The following FLI1 variants were observed in gnomAD, a reference collection of about 807,000 sequenced individuals.
The protein encoded by FLI1 is Fli-1 proto-oncogene, ETS transcription factor.
A neutral mutation model predicts 53.1 loss-of-function variants in FLI1; 13 were observed. That is an observed-to-expected ratio of 0.24 (90% confidence interval 0.16 to 0.39). The LOEUF is 0.39. Ranked by LOEUF, FLI1 falls within the 10% of genes least tolerant of loss-of-function variation. The pLI is 1.00. For missense variants in FLI1, 424 were observed against 600.5 expected (o/e 0.71, Z 3.07); for synonymous variants, 244 against 236.7 (o/e 1.03, Z -0.28).
At chr11:128,719,434 G>C (rs896475906) in intron 1 of FLI1, among the ~76,000 whole-genome samples, 5 of 151,096 alleles carry the variant, frequency 3.3e-5, no homozygotes, top group African/African-American at 4.9e-5. Flanking sequence ...GCTTGAATAA[G>C]TTCCCCTGGG....
At chr11:128,800,257 A>AG (rs1400667255) in intron 5 of FLI1, among the ~76,000 whole-genome samples, 5 of 152,230 alleles carry the variant, frequency 3.3e-5, no homozygotes, top group Admixed American at 3.3e-4. Context: ...AAACAGGGTT[A>AG]GGTGCTGCCA....
intron 4 of FLI1, among the ~76,000 whole-genome samples, chr11:128,780,478 C>G (rs1328005777): frequency 2.0e-5 from 3 of 152,184 alleles, no homozygotes; most frequent in African/African-American, 7.2e-5. Context: ...GCCTGTAATC[C>G]CAGCTACTGG....
At chr11:128,686,753 A>G (rs1591717739) in intron 1 of FLI1, 1 of 287,318 alleles carries the variant, frequency 3.5e-6, no homozygotes, top group African/African-American at 2.2e-5. Context: ...CTTCTACCCC[A>G]CCCGGGCCTA....
At chr11:128,800,308 G>C (rs1040656215) in intron 5 of FLI1, among the ~76,000 whole-genome samples, 1 of 152,154 alleles carries the variant, frequency 6.6e-6, no homozygotes, top group East Asian at 1.9e-4. Context: ...AGAAGTTTCA[G>C]GGAAAATTCA....
intron 7 of FLI1, among the ~76,000 whole-genome samples, chr11:128,808,777 A>G (rs1349289723): frequency 6.6e-6 from 1 of 152,162 alleles, no homozygotes; most frequent in Non-Finnish European, 1.5e-5. Flanking sequence ...TAGAGTTATT[A>G]AAGACCAGTA....
intron 5 of FLI1, among the ~76,000 whole-genome samples, chr11:128,799,043 A>ATTTTTT (rs1186555006): frequency 6.2e-5 from 8 of 128,670 alleles, no homozygotes; most frequent in Admixed American, 4.8e-4. Context: ...TATTATTATT[A>ATTTTTT]TTATTATTAT....
rs116878560 is a variant in FLI1, at chr11:128,766,254, C to T, written c.231-1864C>T. On this transcript the variant is annotated intron_variant, in intron 2 of 8. Coordinates refer to ENST00000527786, the MANE Select transcript of FLI1 (RefSeq NM_002017.5). The stretch of plus-strand genomic sequence containing the variant: ...TCCTTCCGCAGCAGAAGCCAAAGGG[C>T]CAAACGCTGGTGAAAAGTCCTGATG... 4.6e-4 allele frequency among the ~76,000 whole-genome samples: 70 copies of T among 152,284 alleles called. 1 individual carries two copies. In the East Asian group the frequency reaches 0.011, roughly 24 times the overall value.
chr11:128,782,866 G>A (rs939669508), intron 5 of FLI1, among the ~76,000 whole-genome samples: 2 of 152,164 alleles, frequency 1.3e-5, no homozygotes, highest in African/African-American at 2.4e-5. Context: ...ATGAAACATC[G>A]TGAGGAGTGG....
At position 128,772,963 on chromosome 11, in the gene FLI1, A is replaced by G; in HGVS notation, c.567A>G (p.Ser189=). The change falls in exon 4 of 9, where the codon TCA becomes TCG. Residue 189 remains serine, a synonymous_variant. Coordinates refer to ENST00000527786, the MANE Select transcript of FLI1 (RefSeq NM_002017.5). ...TTLYNTEVLL[S]HLSYLRESSL... ...TCTACAACACGGAAGTGCTGTTGTC[A>G]CACCTCAGTTACCTCAGGGAAAGTA... The G allele has an allele frequency of 6.2e-7, 1 of 1,613,872 alleles. No homozygotes were observed.
In FLI1 at chr11:128,772,855, G is replaced by A; in HGVS notation, c.459G>A (p.Glu153=). 1 of 1,614,014 alleles carries A rather than the reference G, an allele frequency of 6.2e-7. No individual in the cohort carries two copies. The highest frequency in any genetic ancestry group is 8.5e-7 in the Non-Finnish European group (1 of 1,179,870). ...CCATAAAGGAGTACAGCTTGATGGA[G>A]ATCGACACATCCTTTTTCCAGAACA... The part of the protein sequence containing the change: ...EWAIKEYSLM[E]IDTSFFQNMD... Residue 153 remains glutamate, a synonymous_variant, in exon 4 of 9, where the codon GAG becomes GAA. Transcript: ENST00000527786.
chr11:128,793,055 C>T lies in FLI1; in HGVS notation c.655+11032C>T, dbSNP rs182598637. On this transcript the variant is annotated intron_variant, in intron 5 of 8. Coordinates refer to ENST00000527786, the MANE Select transcript of FLI1 (RefSeq NM_002017.5). ...ATTGCTCGAGCCCGGGAGATCGAGG[C>T]TGCCATGAGCCGGGATTGCACCACT... Among the ~76,000 whole-genome samples, 650 of 152,144 alleles carry T rather than the reference C, an allele frequency of 4.3e-3. 4 individuals are homozygous for T. The highest frequency in any genetic ancestry group is 0.037 in the Middle Eastern group (11 of 294).
intron 4 of FLI1, among the ~76,000 whole-genome samples, chr11:128,780,260 C>T (rs1476143657): frequency 1.3e-5 from 2 of 152,196 alleles, no homozygotes; most frequent in Non-Finnish European, 2.9e-5. Context: ...TCCTTGTTTT[C>T]ATCTGGAGCT....
Position 128,813,142 on chromosome 11 carries a change from C to G in FLI1, c.*2154C>G, listed in dbSNP as rs2135929377. On this transcript the variant is annotated 3_prime_UTR_variant, in exon 9 of 9. Coordinates refer to ENST00000527786, the MANE Select transcript of FLI1 (RefSeq NM_002017.5). ...AAAAGATGTGTAAAGCACATATTCT[C>G]AACATATGCACATTGATTTATAAAT... The G allele has an allele frequency of 1.2e-5, 2 of 161,386 alleles. 1 individual carries two copies. Among genetic ancestry groups the G allele is most frequent in the South Asian group, 4.4e-4 (2 of 4,496 alleles). 10.0% of individuals were successfully genotyped at this position (161,386 alleles called of 1,614,324 possible).
At chr11:128,736,588 T>C (rs996224368) in intron 1 of FLI1, among the ~76,000 whole-genome samples, 3 of 152,202 alleles carry the variant, frequency 2.0e-5, no homozygotes, top group African/African-American at 7.2e-5. Context: ...ATTTCCACTA[T>C]AGGTAAAACA....
chr11:128,767,048 T>C (rs1035894950), intron 2 of FLI1, among the ~76,000 whole-genome samples: 14 of 151,670 alleles, frequency 9.2e-5, no homozygotes, highest in African/African-American at 3.4e-4. Flanking sequence ...CCCCCAAGTA[T>C]GCTGGAGGTG....
chr11:128,718,682 A>G (rs570086048), intron 1 of FLI1, among the ~76,000 whole-genome samples: 3 of 152,354 alleles, frequency 2.0e-5, no homozygotes, highest in African/African-American at 7.2e-5. Context: ...TATGAAAAGA[A>G]ATGCCTATTT....
chr11:128,811,068 T>C lies in FLI1; in HGVS notation c.*80T>C. Reference sequence around the variant, plus strand: ...TGCTTTGGACTCAACAGGACATATGTGGCCTTGAAGGGAAGACAAAACTGG... The same window carrying C: ...TGCTTTGGACTCAACAGGACATATGCGGCCTTGAAGGGAAGACAAAACTGG... On this transcript the variant is annotated 3_prime_UTR_variant, in exon 9 of 9. Coordinates refer to ENST00000527786, the MANE Select transcript of FLI1 (RefSeq NM_002017.5). 3 of 1,374,410 alleles carry C rather than the reference T, an allele frequency of 2.2e-6. No homozygotes were observed. Among genetic ancestry groups the C allele is most frequent in the East Asian group, 2.3e-5 (1 of 43,548 alleles). 85.1% of individuals were successfully genotyped at this position (1,374,410 alleles called of 1,614,324 possible).
At chr11:128,736,837 G>C (rs1443809503) in intron 1 of FLI1, among the ~76,000 whole-genome samples, 1 of 152,144 alleles carries the variant, frequency 6.6e-6, no homozygotes, top group East Asian at 1.9e-4. Flanking sequence ...GTGGGTATCT[G>C]TGTGTATGCA....
In FLI1 at chr11:128,768,246, A is replaced by C. The variant is rs758240930; in HGVS notation, c.359A>C (p.Asn120Thr). 14 of 1,613,924 alleles carry C rather than the reference A, an allele frequency of 8.7e-6. No homozygotes were observed. The South Asian group carries it at 1.5e-4, about 18-fold the overall frequency. The part of the protein sequence containing the change: ...NGPPPPNMTT[N>T]ERRVIVPADP... ...CCCCCTCCTCCCAACATGACCACCA[A>C]CGAGAGGAGAGTCATCGTCCCCGCA... The change falls in exon 3 of 9, where the codon AAC becomes ACC. Residue 120 changes from asparagine to threonine, a missense_variant. Coordinates refer to ENST00000527786, the MANE Select transcript of FLI1 (RefSeq NM_002017.5).
Sources: allele counts gnomAD v4.1 joint callset (sites outside exome capture counted in the v4.1 genomes callset), GRCh38; gene constraint gnomAD v4.1.1; transcripts MANE v1.5; gene names NCBI Gene and HGNC (gene_info 2026-07-23, HGNC 2026-07-21).